Variants in SENP7 observed in about 807,000 individuals in gnomAD.
SENP7 encodes sentrin-specific protease 7.
Under a neutral mutation model 141.2 loss-of-function variants are expected in SENP7, and 64 were observed. The ratio of observed to expected loss-of-function variants is 0.45; its 90% CI spans 0.37 to 0.56. The LOEUF is 0.56. Ranked by LOEUF, SENP7 falls within the 20% of genes least tolerant of loss-of-function variation. The pLI is 0.00. For missense variants in SENP7, 1,025 were observed against 1,212.2 expected (o/e 0.85, Z 2.29); for synonymous variants, 382 against 426.4 (o/e 0.90, Z 1.28).
intron 6 of SENP7, among the ~76,000 whole-genome samples, chr3:101,380,447 A>ACACACG (rs2060469809): frequency 9.9e-6 from 1 of 100,882 alleles, no homozygotes; most frequent in Non-Finnish European, 2.2e-5. Flanking sequence ...CCCCCCCCCC[A>ACACACG]CACACACACA....
intron 10 of SENP7, chr3:101,363,185 A>G (rs2059946268): frequency 2.4e-6 from 2 of 822,888 alleles, no homozygotes; most frequent in Non-Finnish European, 1.5e-6. Context: ...TATACTATTA[A>G]TATCTTCTTA....
intron 4 of SENP7, among the ~76,000 whole-genome samples, chr3:101,441,549 C>T (rs2062673671): frequency 6.6e-6 from 1 of 151,910 alleles, no homozygotes; most frequent in Admixed American, 6.6e-5. Context: ...ATTGCCAATG[C>T]CCAAGTACAC....
intron 4 of SENP7, chr3:101,457,688 C>T: frequency 7.8e-7 from 1 of 1,288,060 alleles, no homozygotes; most frequent in South Asian, 1.2e-5. Flanking sequence ...CTTGTGCCTG[C>T]AGTTTGGCAA....
At chr3:101,347,055 GAAGA>G (rs767979030) in intron 13 of SENP7, among the ~76,000 whole-genome samples, 3 of 151,866 alleles carry the variant, frequency 2.0e-5, no homozygotes, top group Non-Finnish European at 4.4e-5. Flanking sequence ...AAGGAAGAAA[GAAGA>G]AAGAAGGATA....
chr3:101,328,136 C>CACAT (rs2058952919), intron 22 of SENP7, among the ~76,000 whole-genome samples: 1 of 152,098 alleles, frequency 6.6e-6, no homozygotes, highest in African/African-American at 2.4e-5. Flanking sequence ...TACAAAATTA[C>CACAT]ACATACATAC....
chr3:101,410,890 G>T (rs149760091), intron 5 of SENP7, among the ~76,000 whole-genome samples: 1,185 of 44,310 alleles, frequency 0.027, 13 homozygotes, highest in African/African-American at 0.09. Flanking sequence ...TAAAATAAAA[G>T]AATTAGATAT....
intron 4 of SENP7, among the ~76,000 whole-genome samples, chr3:101,457,041 G>A (rs1447853422): frequency 3.9e-5 from 6 of 151,922 alleles, no homozygotes; most frequent in Admixed American, 2.6e-4. Flanking sequence ...AGGCTTCTTC[G>A]GCTTTATTAG....
At chr3:101,463,348 CATAA>C (rs201605832) in intron 3 of SENP7, among the ~76,000 whole-genome samples, 21 of 91,728 alleles carry the variant, frequency 2.3e-4, no homozygotes, top group African/African-American at 4.3e-4. Context: ...AACCATGTAT[CATAA>C]ATAAATAAAT....
At chr3:101,411,461 C>G (rs1418231246) in intron 5 of SENP7, among the ~76,000 whole-genome samples, 1 of 152,176 alleles carries the variant, frequency 6.6e-6, no homozygotes, top group Non-Finnish European at 1.5e-5. Flanking sequence ...AGCCACAGCC[C>G]AAACACCTTT....
intron 5 of SENP7, among the ~76,000 whole-genome samples, chr3:101,406,761 C>T (rs1306871891): frequency 6.6e-6 from 1 of 152,140 alleles, no homozygotes; most frequent in African/African-American, 2.4e-5. Flanking sequence ...CACCTAGTCA[C>T]ATTGTCATCA....
intron 16 of SENP7, among the ~76,000 whole-genome samples, chr3:101,339,843 T>C (rs1047737521): frequency 2.6e-5 from 4 of 152,040 alleles, no homozygotes; most frequent in African/African-American, 9.7e-5. Context: ...GAAATTTACA[T>C]CAAAAACTAA....
chr3:101,424,799 A>C (rs1050197736), intron 4 of SENP7, among the ~76,000 whole-genome samples: 3 of 152,170 alleles, frequency 2.0e-5, no homozygotes, highest in African/African-American at 7.2e-5. Context: ...TGCCACAGCC[A>C]ACAGACATGC....
intron 5 of SENP7, chr3:101,414,452 TG>T: frequency 7.9e-7 from 1 of 1,266,186 alleles, no homozygotes; most frequent in Non-Finnish European, 1.2e-6. Context: ...CAGGACCACC[TG>T]GCCCAGTGTA....
chr3:101,386,635 C>T lies in SENP7; in HGVS notation c.677+12226G>A, dbSNP rs951197350. 2.0e-5 allele frequency among the ~76,000 whole-genome samples: 3 copies of T among 152,160 alleles called. No homozygotes were observed. The East Asian group carries it at 5.8e-4, about 29-fold the overall frequency. On this transcript the variant is annotated intron_variant, in intron 6 of 23. Transcript: ENST00000394095. ...AGGTTGGCTGGAACCAGTAGTGTGG[C>T]CAGATCCCCAGCACTCTAGCCCAGA...
chr3:101,445,770 A>G (rs1337091159), intron 4 of SENP7, among the ~76,000 whole-genome samples: 3 of 152,254 alleles, frequency 2.0e-5, no homozygotes, highest in Non-Finnish European at 4.4e-5. Flanking sequence ...ATAGACATTC[A>G]GTCAAAAAAC....
chr3:101,426,412 A>G (rs962556997), intron 4 of SENP7, among the ~76,000 whole-genome samples: 1 of 152,234 alleles, frequency 6.6e-6, no homozygotes, highest in Non-Finnish European at 1.5e-5. Context: ...CAATGTTCTT[A>G]AAGAAAATAA....
chr3:101,382,082 T>C (rs960726476), intron 6 of SENP7, among the ~76,000 whole-genome samples: 5 of 152,222 alleles, frequency 3.3e-5, no homozygotes, highest in Non-Finnish European at 7.3e-5. Context: ...ATTTGATCCC[T>C]TTCACTCAAG....
chr3:101,476,202 C>CA (rs2064207551), intron 3 of SENP7, among the ~76,000 whole-genome samples: 2 of 152,074 alleles, frequency 1.3e-5, no homozygotes, highest in African/African-American at 4.8e-5. Flanking sequence ...CTGCACCCAT[C>CA]AACCCGTCAT....
intron 2 of SENP7, among the ~76,000 whole-genome samples, chr3:101,497,876 G>C (rs943384431): frequency 2.0e-5 from 3 of 152,184 alleles, no homozygotes; most frequent in African/African-American, 7.2e-5. Flanking sequence ...GATCACAGCT[G>C]ATCACAGCCT....
Sources: allele counts gnomAD v4.1 joint callset (sites outside exome capture counted in the v4.1 genomes callset), GRCh38; gene constraint gnomAD v4.1.1; transcripts MANE v1.5; gene names NCBI Gene and HGNC (gene_info 2026-07-23, HGNC 2026-07-21).